PATE4: variants seen among roughly 807,000 people sequenced by gnomAD.
PATE4 encodes prostate and testis expressed 4.
A neutral mutation model predicts 8.5 loss-of-function variants in PATE4; 13 were observed. The observed-to-expected ratio is 1.53, with a 90% CI of 1.00 to 2.43. The LOEUF is 2.43. Ranked by LOEUF, PATE4 falls within the 30% of genes most tolerant of loss-of-function variation. The probability of loss-of-function intolerance (pLI) is 0.00; values close to 1 mark genes in which losing one functional copy is unlikely to be tolerated. For missense variants in PATE4, 127 were observed against 115.5 expected (o/e 1.10, Z -0.46); for synonymous variants, 47 against 39.3 (o/e 1.20, Z -0.73).
In PATE4 at chr11:125,839,671, C is replaced by T. The variant is rs113670125; in HGVS notation, c.*1244C>T. 9,013 of 152,394 alleles carry T rather than the reference C, an allele frequency of 0.059. 343 individuals are homozygous for T. The highest frequency in any genetic ancestry group is 0.091 in the Non-Finnish European group (6,176 of 68,106). The allele number at this position is 152,394 out of a possible 1,614,324, so 9.4% of individuals were successfully genotyped here. On this transcript the variant is annotated 3_prime_UTR_variant, in exon 3 of 3. Transcript: ENST00000457514. The stretch of plus-strand genomic sequence containing the variant: ...GGCAGAAGGTAAAAGGCATGTCTCA[C>T]ATAGTGACAGACAAGAGAAGAGAGA...
intron 1 of PATE4, chr11:125,834,860 T>C (rs910447894): frequency 6.6e-6 from 1 of 152,108 alleles, no homozygotes; most frequent in African/African-American, 2.4e-5. Context: ...AAAATCAAAG[T>C]GCAGAGTATG....
Position 125,837,515 on chromosome 11 carries a change from T to A in PATE4, c.59-353T>A, listed in dbSNP as rs74761879. 3.5e-4 allele frequency among the ~76,000 whole-genome samples: 54 copies of A among 152,336 alleles called. No homozygotes were observed. The East Asian group carries it at 0.01, about 28-fold the overall frequency. ...CCAGCTCAAGTCTTTAGCTAAAGTA[T>A]TCCCCTGCTTTTCCAGCCCACAGTA... On this transcript the variant is annotated intron_variant, in intron 1 of 2. Coordinates refer to ENST00000457514, the MANE Select transcript of PATE4 (RefSeq NM_001144874.1).
chr11:125,834,005 T>C (rs567849564), intron 1 of PATE4, among the ~76,000 whole-genome samples: 6 of 152,178 alleles, frequency 3.9e-5, no homozygotes, highest in Non-Finnish European at 8.8e-5. Flanking sequence ...CACTAAAAAT[T>C]AGTGAATGAT....
chr11:125,834,294 A>T (rs542843141), intron 1 of PATE4, among the ~76,000 whole-genome samples: 2 of 152,282 alleles, frequency 1.3e-5, no homozygotes, highest in Admixed American at 1.3e-4. Flanking sequence ...CATCAAACAA[A>T]TGGCTAATAT....
intron 1 of PATE4, chr11:125,835,170 T>G (rs972151976): frequency 6.6e-6 from 1 of 152,214 alleles, no homozygotes; most frequent in Non-Finnish European, 1.5e-5. Context: ...AGACAATTAT[T>G]CGAAGAGCAT....
At chr11:125,836,078 A>G (rs1040366641) in intron 1 of PATE4, among the ~76,000 whole-genome samples, 3 of 150,438 alleles carry the variant, frequency 2.0e-5, no homozygotes, top group African/African-American at 7.3e-5. Context: ...CAATGCATAA[A>G]TTACTGAACC....
intron 1 of PATE4, chr11:125,836,024 C>G (rs1006185130): frequency 6.6e-6 from 1 of 151,852 alleles, no homozygotes; most frequent in Non-Finnish European, 1.5e-5. Context: ...TGGTGAGAAA[C>G]GTGGGCTTTT....
rs1157959103 is a variant in PATE4 at position 125,838,456 on chromosome 11, C to G, written c.*29C>G. 14 of 1,525,310 alleles carry G rather than the reference C, an allele frequency of 9.2e-6. No homozygotes were observed. The highest frequency in any genetic ancestry group is 1.2e-5 in the Non-Finnish European group (14 of 1,139,218). 94.5% of individuals were successfully genotyped at this position (1,525,310 alleles called of 1,614,324 possible). On this transcript the variant is annotated 3_prime_UTR_variant, in exon 3 of 3. Transcript: ENST00000457514. Reference sequence around the variant, plus strand: ...AGCTTAGGAACTTGCAGAGGATCATCTGATCAAGATCCAGAATCAAGACCA... The same window carrying G: ...AGCTTAGGAACTTGCAGAGGATCATGTGATCAAGATCCAGAATCAAGACCA...
At chr11:125,835,139 T>C (rs1943910769) in intron 1 of PATE4, 1 of 152,194 alleles carries the variant, frequency 6.6e-6, no homozygotes, top group South Asian at 2.1e-4. Context: ...AAATTGGAAA[T>C]ACTCAGGTTA....
At position 125,838,361 on chromosome 11, in the gene PATE4, G is replaced by A; in HGVS notation, c.231G>A (p.Glu77=). 1 of 1,551,434 alleles carries A rather than the reference G, an allele frequency of 6.4e-7. No individual in the cohort carries two copies. Among genetic ancestry groups the A allele is most frequent in the East Asian group, 2.4e-5 (1 of 40,914 alleles). The change falls in exon 3 of 3, where the codon GAG becomes GAA. Residue 77 remains glutamate (E), a synonymous_variant. Coordinates refer to ENST00000457514, the MANE Select transcript of PATE4 (RefSeq NM_001144874.1). ...GTAAGTATAAGTGCCGGGAAGAGGA[G>A]TCCTCCAAAAGAGGCCTGTTGAGAG... ...HMCKYKCREE[E]SSKRGLLRVT...
chr11:125,834,907 G>T (rs1278862370), intron 1 of PATE4: 1 of 152,116 alleles, frequency 6.6e-6, no homozygotes, highest in Non-Finnish European at 1.5e-5. Flanking sequence ...GGGGTAAAAA[G>T]ATACATGTGC....
rs954337170 is a variant in PATE4, at chr11:125,833,416, G to A, written c.57G>A (p.Glu19=). ...LVSLSFLYLK[E]VMGLKCNTCI... ...GCTTATCTTTTCTCTACCTCAAAGAGGGTAAGTTTGAACAATGGGGGTGGA... is the reference window on the plus strand; with the variant it reads ...GCTTATCTTTTCTCTACCTCAAAGAAGGTAAGTTTGAACAATGGGGGTGGA... Residue 19 remains glutamate, a splice_region_variant and synonymous_variant, in exon 1 of 3, where the codon GAG becomes GAA. Coordinates refer to ENST00000457514, the MANE Select transcript of PATE4 (RefSeq NM_001144874.1). 2.9e-4 allele frequency: 448 copies of A among 1,551,208 alleles called. 4 individuals are homozygous for A. Among genetic ancestry groups the A allele is most frequent in the South Asian group, 1.2e-5 (1 of 84,044 alleles).
chr11:125,838,329 CAT>C lies in PATE4; in HGVS notation c.202_203del (p.Met68ValfsTer2). The stretch of plus-strand genomic sequence containing the variant: ...AGGAGACAAACATATGTACTCAACA[CAT>C]ATGTGTAAGTATAAGTGCCGGGAAG... ...FRGDKHMYST[H>X]MCKYKCREEE... is the part of the protein sequence containing the mutation. On this transcript the variant is annotated frameshift_variant, in exon 3 of 3. Transcript: ENST00000457514. LOFTEE classifies it low-confidence loss of function (END_TRUNC). 1 of 1,550,762 alleles carries C rather than the reference CAT, an allele frequency of 6.4e-7. No homozygotes were observed. The highest frequency in any genetic ancestry group is 8.7e-7 in the Non-Finnish European group (1 of 1,146,656).
At chr11:125,837,316 GGCCAGACCAA>G (rs1402876383) in intron 1 of PATE4, among the ~76,000 whole-genome samples, 1 of 152,156 alleles carries the variant, frequency 6.6e-6, no homozygotes, top group Non-Finnish European at 1.5e-5. Flanking sequence ...AAAAGAGAAA[GGCCAGACCAA>G]GCCAGATGGA....
rs1396268010 is a variant in PATE4, at chr11:125,838,373, A to G, written c.243A>G (p.Arg81=). The change falls in exon 3 of 3, where the codon AGA becomes AGG. Residue 81 remains arginine (R), a synonymous_variant. Transcript: ENST00000457514. ...YKCREEESSK[R]GLLRVTLCCD... ...GCCGGGAAGAGGAGTCCTCCAAAAG[A>G]GGCCTGTTGAGAGTGACACTGTGCT... 1.3e-6 allele frequency: 2 copies of G among 1,551,494 alleles called. No individual in the cohort carries two copies. Among genetic ancestry groups the G allele is most frequent in the Non-Finnish European group, 1.7e-6 (2 of 1,146,888 alleles).
Position 125,838,289 on chromosome 11 carries a change from G to A in PATE4, c.176-17G>A, listed in dbSNP as rs1385880651. On this transcript the variant is annotated splice_polypyrimidine_tract_variant and intron_variant, in intron 2 of 2. Transcript: ENST00000457514. ...GCAATCTCCTCCAGCATTTATAACA[G>A]GCTTCTTCATTTTCAGGAGACAAAC... The A allele has an allele frequency of 3.3e-6, 5 of 1,530,568 alleles. No homozygotes were observed. The highest frequency in any genetic ancestry group is 1.7e-4 in the Middle Eastern group (1 of 5,864). 94.8% of individuals were successfully genotyped at this position (1,530,568 alleles called of 1,614,324 possible). A position where few individuals can be genotyped will look rare whatever the true frequency, so the allele number is the denominator to read the frequency against.
In PATE4 at chr11:125,838,954, A is replaced by T. The variant is rs912220381; in HGVS notation, c.*527A>T. On this transcript the variant is annotated 3_prime_UTR_variant, in exon 3 of 3. Coordinates refer to ENST00000457514, the MANE Select transcript of PATE4 (RefSeq NM_001144874.1). ...GAGATTGGAGCCATGTGCTTTGAAG[A>T]TGGAGGAATAGGCCATAAGCTAAAA... The T allele has an allele frequency of 6.6e-6, 1 of 152,330 alleles. No individual in the cohort carries two copies. Among genetic ancestry groups the T allele is most frequent in the Non-Finnish European group, 1.5e-5 (1 of 68,146 alleles). 9.4% of individuals were successfully genotyped at this position (152,330 alleles called of 1,614,324 possible).
chr11:125,834,392 C>T (rs774240981), intron 1 of PATE4, among the ~76,000 whole-genome samples: 1 of 152,118 alleles, frequency 6.6e-6, no homozygotes, highest in Admixed American at 6.6e-5. Context: ...GTAGATAGTT[C>T]ACACAAAAGA....
chr11:125,838,533 T>G lies in PATE4; in HGVS notation c.*106T>G. The G allele has an allele frequency of 7.4e-7, 1 of 1,358,538 alleles. No homozygotes were observed. Among genetic ancestry groups the G allele is most frequent in the Non-Finnish European group, 9.7e-7 (1 of 1,030,994 alleles). The allele number at this position is 1,358,538 out of a possible 1,614,324, so 84.2% of individuals were successfully genotyped here. A position where few individuals can be genotyped will look rare whatever the true frequency, so the allele number is the denominator to read the frequency against. Reference sequence around the variant, plus strand: ...CACCAAATTCCACACTGGCCTAAGATCCCAGAGAGAGCTGCAGGGGCTGTC... The same window carrying G: ...CACCAAATTCCACACTGGCCTAAGAGCCCAGAGAGAGCTGCAGGGGCTGTC... On this transcript the variant is annotated 3_prime_UTR_variant, in exon 3 of 3. Transcript: ENST00000457514.
Sources: allele counts gnomAD v4.1 joint callset (sites outside exome capture counted in the v4.1 genomes callset), GRCh38; gene constraint gnomAD v4.1.1; transcripts MANE v1.5; gene names NCBI Gene and HGNC (gene_info 2026-07-23, HGNC 2026-07-21).